COL22A1: variants seen among roughly 807,000 people sequenced by gnomAD.
COL22A1 encodes collagen type XXII alpha 1 chain.
In COL22A1, 221 loss-of-function variants were observed where a neutral mutation model predicts 248.9. The observed-to-expected ratio is 0.89, with a 90% CI of 0.80 to 0.99. The LOEUF (loss-of-function observed/expected upper bound fraction) is 0.99, where lower values mean the gene tolerates loss of function less well. COL22A1 is among the 50% of genes least tolerant of loss of function. COL22A1 has a pLI of 0.00. For synonymous variants in COL22A1, 891 were observed against 793.4 expected, an observed-to-expected ratio of 1.12 and a Z score of -2.07; for missense variants, 2,240 against 2,179.0, an observed-to-expected ratio of 1.03 and a Z score of -0.56.
At chr8:138,871,919 G>A (rs1317949592) in intron 3 of COL22A1, among the ~76,000 whole-genome samples, 1 of 152,148 alleles carries the variant, frequency 6.6e-6, no homozygotes, top group East Asian at 1.9e-4. Context: ...AACTACAACA[G>A]AAGGCAAAGG....
chr8:138,853,942 G>A (rs1402523274), intron 3 of COL22A1, among the ~76,000 whole-genome samples: 1 of 152,212 alleles, frequency 6.6e-6, no homozygotes, highest in Non-Finnish European at 1.5e-5. Context: ...GATGGTCAAG[G>A]GAAAGGGTAA....
chr8:138,761,768 A>C (rs1201121440), intron 17 of COL22A1, among the ~76,000 whole-genome samples: 1 of 152,206 alleles, frequency 6.6e-6, no homozygotes, highest in Non-Finnish European at 1.5e-5. Context: ...GGAATAGATG[A>C]TGCGTTCACA....
chr8:138,832,824 A>G (rs1262899087), intron 5 of COL22A1, among the ~76,000 whole-genome samples: 1 of 152,260 alleles, frequency 6.6e-6, no homozygotes, highest in Admixed American at 6.5e-5. Context: ...TAGAAGGATC[A>G]GAGAACCAAT....
chr8:138,609,564 G>A lies in COL22A1; in HGVS notation c.3979-1575C>T, dbSNP rs912268261. 2.6e-5 allele frequency among the ~76,000 whole-genome samples: 4 copies of A among 152,194 alleles called. No homozygotes were observed. In the East Asian group the frequency reaches 5.8e-4, roughly 22 times the overall value. ...ATTTGTGGACTGCTTACCCATACTC[G>A]GCCCTTCCGCGAACGCTGCATAACG... On this transcript the variant is annotated intron_variant, in intron 56 of 64. Transcript: ENST00000303045.
At chr8:138,646,506 G>T in intron 47 of COL22A1, 123 bp downstream of exon 47, 1 of 698,406 alleles carries the variant, frequency 1.4e-6, no homozygotes, top group Non-Finnish European at 2.2e-6. Flanking sequence ...CTTAGACCCA[G>T]AACAGGGGTT....
intron 18 of COL22A1, among the ~76,000 whole-genome samples, chr8:138,758,740 T>C (rs1381902137): frequency 6.6e-6 from 1 of 152,186 alleles, no homozygotes; most frequent in African/African-American, 2.4e-5. Flanking sequence ...CTTCACTGGT[T>C]TCTTAATTAT....
intron 23 of COL22A1, among the ~76,000 whole-genome samples, chr8:138,735,883 G>C (rs1261823824): frequency 6.6e-6 from 1 of 152,170 alleles, no homozygotes; most frequent in Non-Finnish European, 1.5e-5. Flanking sequence ...GTGCCTCCCT[G>C]CCAACGAGGG....
intron 7 of COL22A1, 52 bp from the exon 8 acceptor site, chr8:138,813,071 G>C (rs771550613): frequency 3.5e-6 from 5 of 1,442,496 alleles, no homozygotes; most frequent in Non-Finnish European, 4.9e-6. Context: ...TTGGAACCCA[G>C]AAACCTCCGT....
intron 16 of COL22A1, among the ~76,000 whole-genome samples, chr8:138,766,432 A>C: frequency 6.6e-6 from 1 of 150,822 alleles, no homozygotes; most frequent in African/African-American, 2.4e-5. Context: ...ATAAGTGAGA[A>C]AGAGAAGAGT....
At chr8:138,691,687 C>A (rs1433868326) in intron 35 of COL22A1, among the ~76,000 whole-genome samples, 62 of 4,610 alleles carry the variant, frequency 0.013, no homozygotes, top group Admixed American at 0.025. Flanking sequence ...GTGTACAGTG[C>A]ATGTGTGCAT....
intron 16 of COL22A1, among the ~76,000 whole-genome samples, chr8:138,769,555 T>C (rs1271922720): frequency 1.3e-5 from 2 of 152,036 alleles, no homozygotes; most frequent in African/African-American, 4.8e-5. Flanking sequence ...CGGTGGGGAC[T>C]CCACCACCAC....
chr8:138,898,687 T>G (rs897740815), intron 1 of COL22A1, among the ~76,000 whole-genome samples: 1 of 152,274 alleles, frequency 6.6e-6, no homozygotes, highest in Middle Eastern at 3.4e-3. Flanking sequence ...CAAGCTTTGT[T>G]CCCATTGCCT....
chr8:138,722,574 T>C (rs1287655773), intron 25 of COL22A1, among the ~76,000 whole-genome samples: 1 of 152,156 alleles, frequency 6.6e-6, no homozygotes, highest in Non-Finnish European at 1.5e-5. Flanking sequence ...TGCCTGTTAT[T>C]TCGAATGCCA....
chr8:138,805,030 A>AGGTAATGGTGTGGGGTGGT (rs1563784977), intron 10 of COL22A1, among the ~76,000 whole-genome samples: 1 of 38,972 alleles, frequency 2.6e-5, no homozygotes, highest in African/African-American at 1.7e-4. Flanking sequence ...TGTGTGTGAT[A>AGGTAATGGTGTGGGGTGGT]GTGTGTGTGA....
At chr8:138,611,710 A>G (rs1458713221) in intron 56 of COL22A1, among the ~76,000 whole-genome samples, 2 of 152,246 alleles carry the variant, frequency 1.3e-5, no homozygotes, top group Admixed American at 6.5e-5. Flanking sequence ...GCTCACACCC[A>G]GGGAGCCTGG....
chr8:138,616,062 C>CA lies in COL22A1; in HGVS notation c.3871-9dup, dbSNP rs1217407177. ...CATGGCACCAGACTCTCCCTAGGAA[C>CA]AAAAAAGCCTGCTATTAGGGAAGGA... On this transcript the variant is annotated splice_polypyrimidine_tract_variant and intron_variant, in intron 54 of 64. Coordinates refer to ENST00000303045, the MANE Select transcript of COL22A1 (RefSeq NM_152888.3). 6 of 1,611,278 alleles carry CA rather than the reference C, an allele frequency of 3.7e-6. No homozygotes were observed. In the Admixed American group the frequency reaches 5.0e-5, roughly 13 times the overall value.
chr8:138,773,217 T>C (rs1228957624), intron 16 of COL22A1, among the ~76,000 whole-genome samples: 1 of 152,168 alleles, frequency 6.6e-6, no homozygotes, highest in African/African-American at 2.4e-5. Context: ...GGCCCCTGAG[T>C]GGCCTTCCCC....
chr8:138,623,568 A>C (rs1049934901), intron 52 of COL22A1, among the ~76,000 whole-genome samples, 164 bp downstream of exon 52: 1 of 152,104 alleles, frequency 6.6e-6, no homozygotes, highest in African/African-American at 2.4e-5. Context: ...TCTGCTTTAA[A>C]ATGGGGACAG....
At chr8:138,818,933 A>G (rs1182588093) in intron 7 of COL22A1, among the ~76,000 whole-genome samples, 1 of 152,222 alleles carries the variant, frequency 6.6e-6, no homozygotes, top group Non-Finnish European at 1.5e-5. Flanking sequence ...CCTGGAAAAC[A>G]TGAACAGTGT....
Sources: gnomAD v4.1 joint callset for allele counts (sites outside exome capture counted in the v4.1 genomes callset) on GRCh38, gnomAD v4.1.1 for gene constraint, MANE v1.5 for transcripts, NCBI Gene and HGNC (gene_info 2026-07-23, HGNC 2026-07-21) for gene names.